Variants in LTBP4 observed in about 807,000 individuals in gnomAD.
LTBP4 encodes latent transforming growth factor beta binding protein 4, also known as latent-transforming growth factor beta-binding protein 4.
Under a neutral mutation model 180.2 loss-of-function variants are expected in LTBP4, and 93 were observed. The ratio of observed to expected loss-of-function variants is 0.52; its 90% CI spans 0.44 to 0.61. The LOEUF is 0.61. LTBP4 is among the 20% of genes least tolerant of loss of function. LTBP4 has a pLI of 0.00. For missense variants in LTBP4, 2,116 were observed against 2,256.5 expected (o/e 0.94, Z 1.26); for synonymous variants, 947 against 934.5 (o/e 1.01, Z -0.24).
At chr19:40,615,204 G>A in intron 19 of LTBP4, 1 of 147,554 alleles carries the variant, frequency 6.8e-6, no homozygotes, top group Non-Finnish European at 1.5e-5. Flanking sequence ...GGGGGGGGGG[G>A]GGCGGTGATG....
chr19:40,606,878 G>C (rs2146023004), intron 6 of LTBP4, among the ~76,000 whole-genome samples: 1 of 152,274 alleles, frequency 6.6e-6, no homozygotes. Context: ...CTCCCGAGTA[G>C]CTAGAACTAC....
In LTBP4 at chr19:40,627,262, C is replaced by T. The variant is rs1325157832; in HGVS notation, c.4273C>T (p.Pro1425Ser). 6.4e-7 allele frequency: 1 copy of T among 1,572,484 alleles called. No individual in the cohort carries two copies. Among genetic ancestry groups the T allele is most frequent in the Middle Eastern group, 1.7e-4 (1 of 6,020 alleles). Reference sequence around the variant, plus strand: ...TGGCGAATCTGAGGCTCCTGCGCCACCTGGCCCGGGCACCCGCTGGCCCTA... The same window carrying T: ...TGGCGAATCTGAGGCTCCTGCGCCATCTGGCCCGGGCACCCGCTGGCCCTA... ...PYGESEAPAP[P>S]GPGTRWPYRS... Residue 1425 changes from proline (P) to serine (S), a missense_variant, in exon 28 of 30, where the codon CCT becomes TCT. By Grantham distance (74) the Pro-to-Ser change is moderately conservative (BLOSUM62 -1). Transcript: ENST00000396819.
upstream of LTBP4, chr19:40,597,392 G>A: frequency 6.6e-7 from 1 of 1,505,070 alleles, no homozygotes; most frequent in Non-Finnish European, 8.8e-7. Context: ...TAAGCCCCCT[G>A]CTTCCTTGTG....
chr19:40,615,027 A>G (rs1568409144), intron 19 of LTBP4, among the ~76,000 whole-genome samples: 2 of 151,980 alleles, frequency 1.3e-5, no homozygotes, highest in Non-Finnish European at 2.9e-5. Context: ...TCGAACACTT[A>G]GGCCCTCCCT....
At position 40,609,084 on chromosome 19, in the gene LTBP4, T is replaced by C. The variant is rs889661935; in HGVS notation, c.1427-446T>C. Among the ~76,000 whole-genome samples, 3 of 152,058 alleles carry C rather than the reference T, an allele frequency of 2.0e-5. No individual in the cohort carries two copies. Among genetic ancestry groups the C allele is most frequent in the African/African-American group, 7.3e-5 (3 of 41,378 alleles). ...GGAGCTGGAGTCACAGTTGGGCTCT[T>C]CTGTGTCAATCGAGCAAGCCATTTA... On this transcript the variant is annotated intron_variant, in intron 9 of 29. Transcript: ENST00000396819. The surrounding 1 kb of genome is among the most constrained non-coding windows in gnomAD (Gnocchi z 4.9).
chr19:40,602,773 T>C (rs1264130639), intron 1 of LTBP4, among the ~76,000 whole-genome samples: 1 of 152,104 alleles, frequency 6.6e-6, no homozygotes, highest in Non-Finnish European at 1.5e-5. Flanking sequence ...GCTGTGGCCA[T>C]CTAGTGGCCC....
rs752245994 is a variant in LTBP4 at position 40,623,953 on chromosome 19, G to A, written c.3703G>A (p.Asp1235Asn). The change falls in exon 26 of 30, where the codon GAT becomes AAT. Residue 1235 changes from aspartate to asparagine, a missense_variant. Physicochemically the swap from Asp to Asn is conservative, Grantham distance 23. Transcript: ENST00000396819. The stretch of plus-strand genomic sequence containing the variant: ...CTCCCTAGACAATGACGAGTGCGCC[G>A]ATGAGGAACCGGCCTGTGAGGGCGG... ...LECIDNDECA[D>N]EEPACEGGRC... 3.7e-6 allele frequency: 6 copies of A among 1,613,946 alleles called. No homozygotes were observed. Among genetic ancestry groups the A allele is most frequent in the Admixed American group, 1.7e-5 (1 of 60,026 alleles).
chr19:40,615,197 G>A (rs904300870), intron 19 of LTBP4: 1 of 146,038 alleles, frequency 6.8e-6, no homozygotes, highest in Non-Finnish European at 1.5e-5. Flanking sequence ...TGTCGGCGGG[G>A]GGGGGGGGGC....
chr19:40,614,112 T>C, intron 18 of LTBP4, 74 bp downstream of exon 18: 1 of 1,581,066 alleles, frequency 6.3e-7, no homozygotes, highest in Non-Finnish European at 8.6e-7. Flanking sequence ...CCCACCTCTG[T>C]CTTTCCTCCT....
chr19:40,620,196 C>T lies in LTBP4; in HGVS notation c.3217+703C>T, dbSNP rs112258279. Among the ~76,000 whole-genome samples, 474 of 150,668 alleles carry T rather than the reference C, an allele frequency of 3.1e-3. 1 individual carries two copies. The highest frequency in any genetic ancestry group is 0.011 in the African/African-American group (454 of 41,072). ...GACTTATCACAGTAAGAGAGCACTGCGGTACCGTGGAAGGGGTTTCGGCGT... is the reference window on the plus strand; with the variant it reads ...GACTTATCACAGTAAGAGAGCACTGTGGTACCGTGGAAGGGGTTTCGGCGT... On this transcript the variant is annotated intron_variant, in intron 22 of 29. Coordinates refer to ENST00000396819, the MANE Select transcript of LTBP4 (RefSeq NM_001042545.2).
chr19:40,597,627 G>A (rs375010338), upstream of LTBP4, among the ~76,000 whole-genome samples: 19 of 152,016 alleles, frequency 1.2e-4, 1 homozygote, highest in African/African-American at 4.6e-4. Flanking sequence ...CCTGGGGTTA[G>A]TTCGGGGAAA....
At chr19:40,599,668 G>A, upstream of LTBP4, 3 of 1,025,462 alleles carry the variant, frequency 2.9e-6, no homozygotes, top group South Asian at 1.5e-5. Flanking sequence ...CTCCCTCCCC[G>A]GCTCTTTCTT....
At chr19:40,612,284 G>T in intron 15 of LTBP4, 92 bp downstream of exon 15, 2 of 1,459,804 alleles carry the variant, frequency 1.4e-6, no homozygotes, top group South Asian at 1.3e-5. Flanking sequence ...GTAACCTCCT[G>T]ACCTGGACCT....
Position 40,616,875 on chromosome 19 carries a change from T to C in LTBP4, c.2813-14T>C, listed in dbSNP as rs2081552540. The C allele has an allele frequency of 6.2e-7, 1 of 1,613,704 alleles. No individual in the cohort carries two copies. The highest frequency in any genetic ancestry group is 8.5e-7 in the Non-Finnish European group (1 of 1,179,888). On this transcript the variant is annotated splice_polypyrimidine_tract_variant and intron_variant, in intron 19 of 29. Transcript: ENST00000396819. ...GGCCTTTGACTCCCCTTTCATCTCC[T>C]CCACACTCTGCAGATGTGGATGAGT...
rs1468846663 is a variant in LTBP4, at chr19:40,614,057, G to A, written c.2680+19G>A. The A allele has an allele frequency of 1.9e-6, 3 of 1,610,790 alleles. No individual in the cohort carries two copies. The highest frequency in any genetic ancestry group is 2.5e-6 in the Non-Finnish European group (3 of 1,179,172). ...TGCCTCGGTGAGAGGCCCCGCCCCG[G>A]CCTGATCCCTCCTCCCTTCGACTCC... On this transcript the variant is annotated intron_variant, in intron 18 of 29. Coordinates refer to ENST00000396819, the MANE Select transcript of LTBP4 (RefSeq NM_001042545.2).
Position 40,605,923 on chromosome 19 carries a change from A to G in LTBP4, c.793+92A>G. 7.3e-7 allele frequency: 1 copy of G among 1,374,592 alleles called. No individual in the cohort carries two copies. Among genetic ancestry groups the G allele is most frequent in the Non-Finnish European group, 9.8e-7 (1 of 1,020,128 alleles). 85.1% of individuals were successfully genotyped at this position (1,374,592 alleles called of 1,614,324 possible). The stretch of plus-strand genomic sequence containing the variant: ...ACTCTGCCCTAGATAAACCCAGTTC[A>G]CAAATTGTAGCCACGCCTACCCCAT... On this transcript the variant is annotated intron_variant, in intron 4 of 29. Transcript: ENST00000396819. The surrounding 1 kb of genome is among the most constrained non-coding windows in gnomAD (Gnocchi z 5.5).
In LTBP4 at chr19:40,622,461, C is replaced by T. The variant is rs1341657976; in HGVS notation, c.3278C>T (p.Pro1093Leu). 4 of 1,602,744 alleles carry T rather than the reference C, an allele frequency of 2.5e-6. No individual in the cohort carries two copies. Among genetic ancestry groups the T allele is most frequent in the Middle Eastern group, 1.7e-4 (1 of 5,978 alleles). The part of the protein sequence containing the change: ...PASPVLPARP[P>L]PPPLPRRPST... ...AGCCCCGTTCTGCCCGCCAGGCCACCTCCGCCACCCCTGCCCCGCCGACCC... is the reference window on the plus strand; with the variant it reads ...AGCCCCGTTCTGCCCGCCAGGCCACTTCCGCCACCCCTGCCCCGCCGACCC... Residue 1093 changes from proline (P) to leucine (L), a missense_variant, in exon 23 of 30, where the codon CCT (proline) becomes CTT (leucine). By Grantham distance (98) the Pro-to-Leu change is moderately conservative. Around this residue, in one of 5 missense-constraint regions of LTBP4, gnomAD observed 278 missense variants for 373.0 expected, o/e 0.75. Transcript: ENST00000396819. The surrounding 1 kb of genome is among the most constrained non-coding windows in gnomAD (Gnocchi z 5.1).
In LTBP4 at chr19:40,629,410, G is replaced by C; in HGVS notation, c.4534G>C (p.Asp1512His). The C allele has an allele frequency of 6.2e-7, 1 of 1,612,980 alleles. No homozygotes were observed. Among genetic ancestry groups the C allele is most frequent in the Non-Finnish European group, 8.5e-7 (1 of 1,179,626 alleles). ...CCCCTCCGCAGACATCAACGAGTGT[G>C]ATGAGGCCGAGGCTGCCTCCCCGCT... is the stretch of plus-strand genomic sequence containing the variant. The part of the protein sequence containing the change: ...RMACVDINEC[D>H]EAEAASPLCV... Residue 1512 changes from aspartate to histidine, a missense_variant, in exon 30 of 30, where the codon GAT becomes CAT. Transcript: ENST00000396819. The surrounding 1 kb of genome is among the most constrained non-coding windows in gnomAD (Gnocchi z 4.5).
chr19:40,612,701 A>C lies in LTBP4; in HGVS notation c.2300-364A>C, dbSNP rs149521481. Among the ~76,000 whole-genome samples, 740 of 152,174 alleles carry C rather than the reference A, an allele frequency of 4.9e-3. 8 individuals are homozygous for C. Among genetic ancestry groups the C allele is most frequent in the African/African-American group, 0.016 (658 of 41,500 alleles). On this transcript the variant is annotated intron_variant, in intron 15 of 29. Transcript: ENST00000396819. The stretch of plus-strand genomic sequence containing the variant: ...ACCCTGACTATAACTTCTGATCCTA[A>C]CTGGATTCAGATTCCAGTCACTAAC...
Sources: allele counts gnomAD v4.1 joint callset (sites outside exome capture counted in the v4.1 genomes callset), GRCh38; gene constraint gnomAD v4.1.1; regional missense constraint gnomAD v4.1.1; non-coding constraint Gnocchi (gnomAD v3.1); transcripts MANE v1.5; gene names NCBI Gene and HGNC (gene_info 2026-07-23, HGNC 2026-07-21).